The following PLA1A variants were observed in gnomAD, a reference collection of about 807,000 sequenced individuals.
PLA1A encodes the protein phospholipase A1 member A, also known as phosphatidylserine-specific phospholipase A1alpha.
In PLA1A, 47 loss-of-function variants were observed where a neutral mutation model predicts 49.4. The ratio of observed to expected loss-of-function variants is 0.95; its 90% confidence interval spans 0.75 to 1.21. The LOEUF (loss-of-function observed/expected upper bound fraction) is 1.21. Ranked by LOEUF, PLA1A falls within the 50% of genes most tolerant of loss-of-function variation. The pLI is 0.00. For missense variants in PLA1A, 561 were observed against 563.9 expected, an observed-to-expected ratio of 0.99 and a Z score of 0.05; for synonymous variants, 224 against 207.9, an observed-to-expected ratio of 1.08 and a Z score of -0.67.
intron 4 of PLA1A, 40 bp downstream of exon 4, chr3:119,609,616 A>T: frequency 9.1e-7 from 1 of 1,104,792 alleles, no homozygotes; most frequent in Non-Finnish European, 1.4e-6. Context: ...CTTTAGAGAT[A>T]GAGAAAGCTT....
Position 119,629,500 on chromosome 3 carries a change from T to TC in PLA1A, c.*32_*33insC. The stretch of plus-strand genomic sequence containing the variant: ...CTGGGCAGGACACATCTCCCTGCAT[T>TC]TTTTTTTTTTTTTTGAGAGAGAGGT... On this transcript the variant is annotated 3_prime_UTR_variant, in exon 11 of 11. Coordinates refer to ENST00000273371, the MANE Select transcript of PLA1A (RefSeq NM_015900.4). 1 of 885,344 alleles carries TC rather than the reference T, an allele frequency of 1.1e-6. No individual in the cohort carries two copies. Among genetic ancestry groups the TC allele is most frequent in the Non-Finnish European group, 1.7e-6 (1 of 574,020 alleles). The allele number at this position is 885,344 out of a possible 1,614,324, so 54.8% of individuals were successfully genotyped here. A position where few individuals can be genotyped will look rare whatever the true frequency, so the allele number is the denominator to read the frequency against.
intron 9 of PLA1A, among the ~76,000 whole-genome samples, chr3:119,627,565 C>T (rs1387284019): frequency 6.6e-6 from 1 of 152,228 alleles, no homozygotes; most frequent in East Asian, 1.9e-4. Flanking sequence ...GAGGCCCTAT[C>T]ACCACTCTGC....
At chr3:119,606,739 T>C in intron 1 of PLA1A, 35 bp from the exon 2 acceptor site, 1 of 1,561,048 alleles carries the variant, frequency 6.4e-7, no homozygotes, top group Non-Finnish European at 8.8e-7. Context: ...TGACCTCACC[T>C]TGGATGTTGC....
At chr3:119,608,077 G>T (rs921486975) in intron 2 of PLA1A, among the ~76,000 whole-genome samples, 4 of 151,860 alleles carry the variant, frequency 2.6e-5, no homozygotes, top group African/African-American at 9.7e-5. Flanking sequence ...TTATTTTTTG[G>T]AAAGCACCTA....
At chr3:119,618,911 A>T (rs2082890523) in intron 7 of PLA1A, among the ~76,000 whole-genome samples, 1 of 152,302 alleles carries the variant, frequency 6.6e-6, no homozygotes, top group East Asian at 1.9e-4. Context: ...GCTTGACAAA[A>T]TAGTAAAGTA....
chr3:119,619,250 C>T (rs2082895039), intron 7 of PLA1A, among the ~76,000 whole-genome samples: 1 of 152,194 alleles, frequency 6.6e-6, no homozygotes, highest in Admixed American at 6.5e-5. Context: ...ATATAAATGT[C>T]ATGAAAACAA....
At chr3:119,605,944 G>A (rs77453428) in intron 1 of PLA1A, among the ~76,000 whole-genome samples, 2,331 of 152,298 alleles carry the variant, frequency 0.015, 69 homozygotes, top group African/African-American at 0.052. Context: ...GGCACTGGAA[G>A]GCTATGGCAG....
chr3:119,628,872 C>T lies in PLA1A; in HGVS notation c.1286+7C>T, dbSNP rs1278450411. 12 of 1,609,840 alleles carry T rather than the reference C, an allele frequency of 7.5e-6. No homozygotes were observed. Among genetic ancestry groups the T allele is most frequent in the Non-Finnish European group, 9.4e-6 (11 of 1,176,298 alleles). On this transcript the variant is annotated splice_region_variant and intron_variant, in intron 10 of 10. Transcript: ENST00000273371. ...TTTTGCCTGTCAATGACAGGTAAGCCCCAGTATTCACCTCTGCACCAGATG... is the reference window on the plus strand; with the variant it reads ...TTTTGCCTGTCAATGACAGGTAAGCTCCAGTATTCACCTCTGCACCAGATG...
At chr3:119,616,158 C>A in intron 6 of PLA1A, 57 bp downstream of exon 6, 1 of 1,114,282 alleles carries the variant, frequency 9.0e-7, no homozygotes, top group Non-Finnish European at 1.4e-6. Context: ...AATTCACCAA[C>A]AGCTTTTGTG....
At chr3:119,609,634 A>G in intron 4 of PLA1A, 58 bp downstream of exon 4, 2 of 959,208 alleles carry the variant, frequency 2.1e-6, no homozygotes, top group Admixed American at 3.7e-5. Flanking sequence ...CTTGCCCTGA[A>G]AATATCTCTT....
At chr3:119,620,099 G>T in intron 8 of PLA1A, 2 of 457,452 alleles carry the variant, frequency 4.4e-6, no homozygotes, top group Non-Finnish European at 8.8e-6. Flanking sequence ...TCTCACTGTT[G>T]CTCCTAACCA....
In PLA1A at chr3:119,618,088, G is replaced by A. The variant is rs1163355145; in HGVS notation, c.824G>A (p.Cys275Tyr). The change falls in exon 7 of 11, where the codon TGT becomes TAT. Residue 275 changes from cysteine to tyrosine, a missense_variant. Physicochemically the swap from Cys to Tyr is radical, Grantham distance 194. Coordinates refer to ENST00000273371, the MANE Select transcript of PLA1A (RefSeq NM_015900.4). ...TACATCAGCGCCCTGGAGAATTCCTGTCCACTGATGGCCTTTCCCTGTGCC... is the reference window on the plus strand; with the variant it reads ...TACATCAGCGCCCTGGAGAATTCCTATCCACTGATGGCCTTTCCCTGTGCC... The part of the protein sequence containing the change: ...HLYISALENS[C>Y]PLMAFPCASY... 1 of 1,614,024 alleles carries A rather than the reference G, an allele frequency of 6.2e-7. No individual in the cohort carries two copies. Among genetic ancestry groups the A allele is most frequent in the South Asian group, 1.1e-5 (1 of 91,082 alleles).
chr3:119,620,901 A>T (rs2082920029), intron 8 of PLA1A, among the ~76,000 whole-genome samples: 1 of 152,200 alleles, frequency 6.6e-6, no homozygotes. Context: ...CCACAGCTGG[A>T]TGAAAAGGTC....
intron 2 of PLA1A, among the ~76,000 whole-genome samples, chr3:119,608,226 G>GAA (rs1468507475): frequency 0.013 from 1,472 of 109,616 alleles, 8 homozygotes; most frequent in East Asian, 0.041. Context: ...AAGAAAGAAA[G>GAA]AGAGAGAAAG....
intron 2 of PLA1A, among the ~76,000 whole-genome samples, chr3:119,608,448 GC>G (rs1261558744): frequency 2.0e-5 from 3 of 152,232 alleles, no homozygotes; most frequent in Non-Finnish European, 2.9e-5. Flanking sequence ...TGTGGTTTAT[GC>G]CTTGTGCAAA....
intron 2 of PLA1A, among the ~76,000 whole-genome samples, chr3:119,607,430 G>A (rs1470581347): frequency 6.6e-6 from 1 of 152,150 alleles, no homozygotes; most frequent in Non-Finnish European, 1.5e-5. Context: ...GTAATATATA[G>A]TCACTGAGTC....
intron 4 of PLA1A, among the ~76,000 whole-genome samples, chr3:119,611,058 G>A (rs2629400): frequency 0.23 from 34,442 of 151,920 alleles, 4,779 homozygotes; most frequent in East Asian, 0.47. Flanking sequence ...ACCATTTATC[G>A]AATAGGGTAT....
chr3:119,627,772 C>G (rs959193246), intron 9 of PLA1A, among the ~76,000 whole-genome samples: 26 of 152,230 alleles, frequency 1.7e-4, no homozygotes, highest in Non-Finnish European at 3.7e-4. Context: ...TGGGCGCCCT[C>G]CTTGATCCCC....
At chr3:119,617,657 T>TG (rs2082866735) in intron 6 of PLA1A, among the ~76,000 whole-genome samples, 1 of 151,598 alleles carries the variant, frequency 6.6e-6, no homozygotes, top group Non-Finnish European at 1.5e-5. Flanking sequence ...GCAGGAAAAT[T>TG]GCTTAAACCC....
Sources: allele counts gnomAD v4.1 joint callset (sites outside exome capture counted in the v4.1 genomes callset), GRCh38; gene constraint gnomAD v4.1.1; transcripts MANE v1.5; gene names NCBI Gene and HGNC (gene_info 2026-07-23, HGNC 2026-07-21).